Variants in CDH10 observed in about 807,000 individuals in gnomAD.
CDH10 encodes the protein cadherin 10.
CDH10 carries 30 observed loss-of-function variants against 73.1 expected under a neutral mutation model. The observed-to-expected ratio is 0.41, with a 90% CI of 0.31 to 0.56. The LOEUF (loss-of-function observed/expected upper bound fraction) is 0.56, where lower values mean the gene tolerates loss of function less well. Among genes scored for constraint, CDH10 ranks in the 20% least tolerant of loss-of-function variants. CDH10 has a pLI of 0.27. For synonymous variants in CDH10, 345 were observed against 348.2 expected (o/e 0.99, Z 0.10); for missense variants, 815 against 973.7 (o/e 0.84, Z 2.17).
intron 1 of CDH10, among the ~76,000 whole-genome samples, chr5:24,604,169 T>C (rs375898841): frequency 9.2e-5 from 14 of 152,124 alleles, no homozygotes; most frequent in African/African-American, 3.1e-4. Context: ...TGCAACATAG[T>C]GAGACCCCAT....
At chr5:24,512,918 T>C (rs188718078) in intron 5 of CDH10, among the ~76,000 whole-genome samples, 91 of 152,244 alleles carry the variant, frequency 6.0e-4, no homozygotes, top group African/African-American at 2.1e-3. Context: ...ATGAAAGATA[T>C]GGACCAAACT....
At chr5:24,604,877 A>C (rs1323695526) in intron 1 of CDH10, among the ~76,000 whole-genome samples, 3 of 149,760 alleles carry the variant, frequency 2.0e-5, no homozygotes, top group African/African-American at 7.6e-5. Context: ...TCTCTAAAAA[A>C]AAAAAAAAAA....
Position 24,511,327 on chromosome 5 carries a change from CT to C in CDH10, c.1001del (p.Lys334SerfsTer13). The C allele has an allele frequency of 1.0e-5, 16 of 1,596,656 alleles. No homozygotes were observed. The highest frequency in any genetic ancestry group is 1.3e-5 in the African/African-American group (1 of 74,688). On this transcript the variant is annotated frameshift_variant and splice_region_variant, in exon 6 of 12. Coordinates refer to ENST00000264463, the MANE Select transcript of CDH10 (RefSeq NM_006727.5). LOFTEE classifies it high-confidence loss of function. ...DTQEGIITVKKPLDYESRRLY... is the reference protein window; with the variant it reads ...DTQEGIITVKXPLDYESRRLY... ...GCTTATTTATATGGATGCTGTGCACCTTTTTCACAGTGATGATGCCTTCCTG... is the reference window on the plus strand; with the variant it reads ...GCTTATTTATATGGATGCTGTGCACCTTTTCACAGTGATGATGCCTTCCTG...
intron 2 of CDH10, among the ~76,000 whole-genome samples, chr5:24,570,466 T>C (rs1424394641): frequency 1.3e-5 from 2 of 152,110 alleles, no homozygotes; most frequent in Non-Finnish European, 2.9e-5. Flanking sequence ...GTAGGATATT[T>C]AAGCTCTAGA....
At chr5:24,631,954 A>G (rs1561206379) in intron 1 of CDH10, among the ~76,000 whole-genome samples, 2 of 152,226 alleles carry the variant, frequency 1.3e-5, no homozygotes, top group East Asian at 3.9e-4. Context: ...TTGAGAGGAA[A>G]AAAGTTGAAA....
intron 2 of CDH10, among the ~76,000 whole-genome samples, chr5:24,553,206 G>A (rs887082120): frequency 1.4e-5 from 2 of 140,772 alleles, no homozygotes; most frequent in African/African-American, 2.7e-5. Flanking sequence ...TAAGAGCCAC[G>A]GATTTATTTC....
intron 11 of CDH10, 92 bp from the exon 12 acceptor site, chr5:24,488,245 G>C (rs2111615008): frequency 9.2e-7 from 1 of 1,083,670 alleles, no homozygotes; most frequent in Non-Finnish European, 1.3e-6. Context: ...AGTTACTCAG[G>C]CTTTCTATAA....
chr5:24,501,582 C>T (rs138671717), intron 8 of CDH10, among the ~76,000 whole-genome samples: 1 of 152,134 alleles, frequency 6.6e-6, no homozygotes, highest in Non-Finnish European at 1.5e-5. Flanking sequence ...AAATGTATGT[C>T]CTAAGGTGAA....
At chr5:24,557,404 T>C (rs1744806587) in intron 2 of CDH10, among the ~76,000 whole-genome samples, 1 of 151,744 alleles carries the variant, frequency 6.6e-6, no homozygotes, top group Admixed American at 6.6e-5. Flanking sequence ...AATTTTCAAC[T>C]TACATCCATT....
At chr5:24,505,003 A>G (rs1742653440) in intron 8 of CDH10, 109 bp downstream of exon 8, 1 of 791,304 alleles carries the variant, frequency 1.3e-6, no homozygotes, top group South Asian at 1.9e-5. Flanking sequence ...TCCAATGAGA[A>G]TGAATTATTT....
intron 1 of CDH10, among the ~76,000 whole-genome samples, chr5:24,604,291 G>C (rs1265596486): frequency 6.6e-6 from 1 of 152,062 alleles, no homozygotes; most frequent in East Asian, 1.9e-4. Flanking sequence ...CAACTGCAGT[G>C]AGCTATAATC....
At chr5:24,580,015 T>G (rs1745739947) in intron 2 of CDH10, among the ~76,000 whole-genome samples, 1 of 152,166 alleles carries the variant, frequency 6.6e-6, no homozygotes, top group Non-Finnish European at 1.5e-5. Context: ...ATTTATAGTC[T>G]CCAGTTGCTA....
chr5:24,625,603 GTATA>G (rs975360970), intron 1 of CDH10, among the ~76,000 whole-genome samples: 1 of 146,598 alleles, frequency 6.8e-6, no homozygotes, highest in African/African-American at 2.5e-5. Flanking sequence ...ATATATATGT[GTATA>G]TATATATTCA....
chr5:24,612,326 A>G (rs906149249), intron 1 of CDH10: 8 of 152,200 alleles, frequency 5.3e-5, no homozygotes, highest in Non-Finnish European at 1.0e-4. Flanking sequence ...AATAAATGCC[A>G]TAATCAGTGT....
intron 5 of CDH10, among the ~76,000 whole-genome samples, chr5:24,525,420 T>C (rs1579760507): frequency 6.6e-6 from 1 of 152,204 alleles, no homozygotes; most frequent in East Asian, 1.9e-4. Context: ...AACATCGCTA[T>C]GCTGCACGAT....
At chr5:24,628,983 C>CA (rs1484051808) in intron 1 of CDH10, among the ~76,000 whole-genome samples, 1 of 151,962 alleles carries the variant, frequency 6.6e-6, no homozygotes, top group African/African-American at 2.4e-5. Context: ...TAATTATATG[C>CA]CACCAAGTAC....
At chr5:24,587,643 ACT>A (rs1746067726) in intron 2 of CDH10, among the ~76,000 whole-genome samples, 1 of 152,194 alleles carries the variant, frequency 6.6e-6, no homozygotes, top group Non-Finnish European at 1.5e-5. Context: ...ACTAAAAATC[ACT>A]GACTCCATTT....
At chr5:24,553,656 C>A (rs1744632627) in intron 2 of CDH10, among the ~76,000 whole-genome samples, 1 of 151,884 alleles carries the variant, frequency 6.6e-6, no homozygotes. Flanking sequence ...TAATGTTTTC[C>A]ACGGGTGGCT....
chr5:24,598,035 T>G (rs1271969171), intron 1 of CDH10, among the ~76,000 whole-genome samples: 1 of 152,000 alleles, frequency 6.6e-6, no homozygotes, highest in African/African-American at 2.4e-5. Flanking sequence ...TTTTAAAGTT[T>G]CATAGACCAA....
Sources: gnomAD v4.1 joint callset for allele counts (sites outside exome capture counted in the v4.1 genomes callset) on GRCh38, gnomAD v4.1.1 for gene constraint, MANE v1.5 for transcripts, NCBI Gene and HGNC (gene_info 2026-07-23, HGNC 2026-07-21) for gene names.